RPS6KC1: variants seen among roughly 807,000 people sequenced by gnomAD.
The protein encoded by RPS6KC1 is ribosomal protein S6 kinase C1.
Under a neutral mutation model 103.8 loss-of-function variants are expected in RPS6KC1, and 54 were observed. That is an observed-to-expected ratio of 0.52 (90% CI 0.42 to 0.65). The LOEUF (loss-of-function observed/expected upper bound fraction) is 0.65, where lower values mean the gene tolerates loss of function less well. RPS6KC1 is among the 30% of genes least tolerant of loss of function. The pLI is 0.00. For synonymous variants in RPS6KC1, 439 were observed against 438.7 expected, an observed-to-expected ratio of 1.00 and a Z score of -0.01; for missense variants, 1,151 against 1,253.8, an observed-to-expected ratio of 0.92 and a Z score of 1.24.
chr1:213,189,186 C>T (rs1281342699), intron 8 of RPS6KC1, among the ~76,000 whole-genome samples: 17 of 152,166 alleles, frequency 1.1e-4, no homozygotes, highest in Middle Eastern at 3.4e-3. Context: ...TGGTGGCTTA[C>T]GTCTGAAATC....
the RPS6KC1 span, among the ~76,000 whole-genome samples, chr1:213,283,031 G>T: frequency 6.6e-6 from 1 of 152,200 alleles, no homozygotes; most frequent in Non-Finnish European, 1.5e-5. Flanking sequence ...TTGTAGTTCT[G>T]CTTCACTAAG....
the RPS6KC1 span, among the ~76,000 whole-genome samples, chr1:213,732,553 G>A: frequency 1.3e-5 from 2 of 152,036 alleles, no homozygotes; most frequent in East Asian, 3.9e-4. Context: ...ATATACATTT[G>A]ACAAATTAAT....
the RPS6KC1 span, among the ~76,000 whole-genome samples, chr1:213,500,178 T>A: frequency 1.3e-5 from 2 of 152,262 alleles, no homozygotes; most frequent in Non-Finnish European, 2.9e-5. Flanking sequence ...TACAATTTTT[T>A]AAAATATCCT....
intron 10 of RPS6KC1, among the ~76,000 whole-genome samples, chr1:213,237,123 T>C (rs1405808743): frequency 6.6e-6 from 1 of 152,062 alleles, no homozygotes; most frequent in Non-Finnish European, 1.5e-5. Flanking sequence ...TTGCATTTTT[T>C]CCCCCATCTC....
At chr1:213,289,994 G>A in the RPS6KC1 span, among the ~76,000 whole-genome samples, 2 of 151,920 alleles carry the variant, frequency 1.3e-5, no homozygotes, top group Non-Finnish European at 2.9e-5. Context: ...AGCCGAGATC[G>A]CACCATTGCA....
chr1:213,086,891 G>A (rs1384821211), intron 3 of RPS6KC1, among the ~76,000 whole-genome samples: 2 of 151,714 alleles, frequency 1.3e-5, no homozygotes, highest in Non-Finnish European at 2.9e-5. Flanking sequence ...AATACCTTTA[G>A]TGAAACAAAA....
At chr1:213,405,499 G>A in the RPS6KC1 span, among the ~76,000 whole-genome samples, 1 of 152,352 alleles carries the variant, frequency 6.6e-6, no homozygotes, top group Non-Finnish European at 1.5e-5. Context: ...TGTATGTGGT[G>A]TGCATGGGTT....
At chr1:213,829,081 A>G in the RPS6KC1 span, among the ~76,000 whole-genome samples, 1 of 152,152 alleles carries the variant, frequency 6.6e-6, no homozygotes, top group Non-Finnish European at 1.5e-5. Flanking sequence ...TTATCATGCT[A>G]TTAGGACCAC....
At chr1:213,550,233 G>A in the RPS6KC1 span, among the ~76,000 whole-genome samples, 2 of 152,192 alleles carry the variant, frequency 1.3e-5, no homozygotes, top group South Asian at 2.1e-4. Flanking sequence ...TAACATTGCG[G>A]TGTCAGACCC....
chr1:213,575,634 T>A, the RPS6KC1 span, among the ~76,000 whole-genome samples: 1 of 152,210 alleles, frequency 6.6e-6, no homozygotes, highest in Non-Finnish European at 1.5e-5. Context: ...TCCCTAGCCA[T>A]GCTGAACTGT....
the RPS6KC1 span, among the ~76,000 whole-genome samples, chr1:213,567,972 G>A: frequency 6.6e-6 from 1 of 152,136 alleles, no homozygotes; most frequent in Non-Finnish European, 1.5e-5. Context: ...TTTTCCAGTT[G>A]CCTGTCAGGT....
At chr1:213,621,852 C>T in the RPS6KC1 span, among the ~76,000 whole-genome samples, 5 of 152,240 alleles carry the variant, frequency 3.3e-5, no homozygotes, top group South Asian at 2.1e-4. Flanking sequence ...GTTAGGAGAA[C>T]GTGATGCCCT....
chr1:213,673,289 G>A, the RPS6KC1 span, among the ~76,000 whole-genome samples: 469 of 152,278 alleles, frequency 3.1e-3, 2 homozygotes, highest in African/African-American at 0.011. Context: ...AGTTGTCTCT[G>A]GATAACACAC....
the RPS6KC1 span, among the ~76,000 whole-genome samples, chr1:213,500,777 T>C: frequency 2.6e-5 from 4 of 152,208 alleles, no homozygotes; most frequent in Non-Finnish European, 5.9e-5. Flanking sequence ...TCAGGAGATA[T>C]GATTATACAT....
chr1:213,556,083 T>C, the RPS6KC1 span, among the ~76,000 whole-genome samples: 1 of 152,250 alleles, frequency 6.6e-6, no homozygotes, highest in Non-Finnish European at 1.5e-5. Flanking sequence ...TTTGACACCT[T>C]GTAGTTGAAT....
chr1:213,812,563 T>C, the RPS6KC1 span, among the ~76,000 whole-genome samples: 1 of 152,234 alleles, frequency 6.6e-6, no homozygotes, highest in Non-Finnish European at 1.5e-5. Context: ...ACAATGCCGT[T>C]GTTAAAGCCC....
rs569744075 is a variant in RPS6KC1, at chr1:213,238,013, A to G, written c.1226-2689A>G. ...AAAGGTTTTCAAAAAATTTGTACAG[A>G]TGTTATCTTTTTATAACTCAGTTTA... On this transcript the variant is annotated intron_variant, in intron 10 of 14. Coordinates refer to ENST00000366960, the MANE Select transcript of RPS6KC1 (RefSeq NM_012424.6). 5.7e-3 allele frequency among the ~76,000 whole-genome samples: 860 copies of G among 152,172 alleles called. 9 individuals carry two copies. Among genetic ancestry groups the G allele is most frequent in the African/African-American group, 0.017 (717 of 41,540 alleles).
intron 1 of RPS6KC1, among the ~76,000 whole-genome samples, chr1:213,052,762 G>A (rs775821989): frequency 6.6e-6 from 1 of 152,114 alleles, no homozygotes; most frequent in East Asian, 1.9e-4. Context: ...GGCTCATTTC[G>A]AAGTCCTGAC....
chr1:213,262,679 A>G (rs1205795916), intron 13 of RPS6KC1, 42 bp from the exon 14 acceptor site: 1 of 1,214,360 alleles, frequency 8.2e-7, no homozygotes, highest in East Asian at 2.3e-5. Context: ...ACAAAATATG[A>G]TGTTATTTGG....
Sources: allele counts gnomAD v4.1 joint callset (sites outside exome capture counted in the v4.1 genomes callset), GRCh38; gene constraint gnomAD v4.1.1; transcripts MANE v1.5; gene names NCBI Gene and HGNC (gene_info 2026-07-23, HGNC 2026-07-21).